Variants in ULK2 observed in about 807,000 individuals in gnomAD.
The protein encoded by ULK2 is serine/threonine-protein kinase ULK2.
Under a neutral mutation model 127.5 loss-of-function variants are expected in ULK2, and 76 were observed. The observed-to-expected ratio is 0.60, with a 90% CI of 0.50 to 0.72. The LOEUF (loss-of-function observed/expected upper bound fraction) is 0.72. ULK2 is among the 30% of genes least tolerant of loss of function. The probability of loss-of-function intolerance (pLI) is 0.00; values close to 1 mark genes in which losing one functional copy is unlikely to be tolerated. For synonymous variants in ULK2, 452 were observed against 461.9 expected, an observed-to-expected ratio of 0.98 and a Z score of 0.28; for missense variants, 1,144 against 1,295.9, an observed-to-expected ratio of 0.88 and a Z score of 1.80.
Position 19,797,407 on chromosome 17 carries a change from A to G in ULK2, c.1798T>C (p.Ser600Pro). ...TTTAATAAACAAACCTTAGTAGGAG[A>G]GCCAATGATTGTTGGCAAAGGAGTT... The part of the protein sequence containing the change: ...FKTPLPTIIG[S>P]PTKTTAPFKI... Residue 600 changes from serine to proline, a missense_variant, in exon 18 of 27, where the codon TCT becomes CCT. Ser to Pro is a moderately conservative substitution (Grantham distance 74). Around this residue, in one of 2 missense-constraint regions of ULK2, gnomAD observed 913 missense variants for 970.5 expected, o/e 0.94. Coordinates refer to ENST00000395544, the MANE Select transcript of ULK2 (RefSeq NM_014683.4). 1 of 1,612,970 alleles carries G rather than the reference A, an allele frequency of 6.2e-7. No homozygotes were observed. Among genetic ancestry groups the G allele is most frequent in the Non-Finnish European group, 8.5e-7 (1 of 1,179,486 alleles).
intron 21 of ULK2, 136 bp from the exon 22 acceptor site, chr17:19,784,041 T>A: frequency 1.6e-6 from 1 of 609,272 alleles, no homozygotes; most frequent in Non-Finnish European, 2.4e-6. Flanking sequence ...ACCCCCTATG[T>A]ACTATTTGAG....
chr17:19,804,899 T>C, intron 14 of ULK2, 69 bp from the exon 15 acceptor site: 2 of 1,514,386 alleles, frequency 1.3e-6, no homozygotes, highest in Non-Finnish European at 8.9e-7. Flanking sequence ...TTTGACCCAT[T>C]AGTTATATTT....
chr17:19,847,883 T>C (rs2041921042), intron 5 of ULK2, among the ~76,000 whole-genome samples: 1 of 152,124 alleles, frequency 6.6e-6, no homozygotes, highest in Non-Finnish European at 1.5e-5. Context: ...TGCCAGAGCA[T>C]GTTGTGGTTA....
intron 5 of ULK2, among the ~76,000 whole-genome samples, chr17:19,847,178 T>C (rs1334725598): frequency 6.6e-6 from 1 of 152,236 alleles, no homozygotes; most frequent in African/African-American, 2.4e-5. Context: ...TTCATGTTTT[T>C]ACTGCTGAAG....
chr17:19,785,818 T>TAAAAAAAAAAAAAAAAAACAAAAAAA, intron 21 of ULK2, 119 bp downstream of exon 21: 1 of 1,240,114 alleles, frequency 8.1e-7, no homozygotes, highest in East Asian at 2.8e-5. Flanking sequence ...ATTTCACTGG[T>TAAAAAAAAAAAAAAAAAACAAAAAAA]AAAGAAACTG....
At chr17:19,848,847 T>G (rs1433756794) in intron 5 of ULK2, among the ~76,000 whole-genome samples, 1 of 152,022 alleles carries the variant, frequency 6.6e-6, no homozygotes, top group Non-Finnish European at 1.5e-5. Context: ...ATATCCTACA[T>G]GTATGCATTT....
chr17:19,777,690 C>T lies in ULK2; in HGVS notation c.2943G>A (p.Met981Ile). 1 of 1,613,590 alleles carries T rather than the reference C, an allele frequency of 6.2e-7. No individual in the cohort carries two copies. Among genetic ancestry groups the T allele is most frequent in the Non-Finnish European group, 8.5e-7 (1 of 1,179,882 alleles). ...AAACAATATCTTCGGTCTGCTGAAA[C>T]ATCTCATCCAGGGCTGCAGACTGAA... ...EMVQSAALDE[M>I]FQQTEDIVYR... The change falls in exon 26 of 27, where the codon ATG (methionine) becomes ATA (isoleucine). Residue 981 changes from methionine to isoleucine, a missense_variant. Around this residue, in one of 2 missense-constraint regions of ULK2, gnomAD observed 913 missense variants for 970.5 expected, o/e 0.94. Transcript: ENST00000395544.
chr17:19,835,042 T>C (rs771483485), intron 10 of ULK2, among the ~76,000 whole-genome samples: 6 of 152,010 alleles, frequency 3.9e-5, no homozygotes, highest in African/African-American at 1.2e-4. Context: ...GATTACAACA[T>C]AGACATAATA....
intron 20 of ULK2, among the ~76,000 whole-genome samples, chr17:19,794,490 G>A (rs546151934): frequency 8.5e-5 from 13 of 152,088 alleles, no homozygotes; most frequent in East Asian, 7.7e-4. Flanking sequence ...TTCAAACTTC[G>A]GAGAATCAAA....
At chr17:19,811,944 G>A (rs557992851) in intron 13 of ULK2, among the ~76,000 whole-genome samples, 2 of 152,174 alleles carry the variant, frequency 1.3e-5, no homozygotes, top group South Asian at 2.1e-4. Context: ...TAGAGGCAAC[G>A]GGACAGAAAA....
At chr17:19,799,622 CA>C in intron 16 of ULK2, 47 bp from the exon 17 acceptor site, 1 of 1,420,998 alleles carries the variant, frequency 7.0e-7, no homozygotes, top group Admixed American at 3.1e-5. Flanking sequence ...GAAAAATGAT[CA>C]AAAACCAATA....
chr17:19,812,082 A>G (rs1279275983), intron 13 of ULK2, among the ~76,000 whole-genome samples: 2 of 152,222 alleles, frequency 1.3e-5, no homozygotes, highest in African/African-American at 4.8e-5. Context: ...AACCTTAGCC[A>G]GCTGGAAAGC....
At chr17:19,833,400 C>T (rs1015479193) in intron 10 of ULK2, among the ~76,000 whole-genome samples, 8 of 150,298 alleles carry the variant, frequency 5.3e-5, no homozygotes, top group South Asian at 2.1e-4. Flanking sequence ...CTCGCTCTGT[C>T]GCCCATTTTT....
At chr17:19,796,526 G>A (rs1178472366) in intron 18 of ULK2, among the ~76,000 whole-genome samples, 2 of 152,172 alleles carry the variant, frequency 1.3e-5, no homozygotes, top group Non-Finnish European at 2.9e-5. Context: ...TAGATAACAA[G>A]GGGATGTAAA....
chr17:19,810,501 G>T, intron 13 of ULK2, 63 bp from the exon 14 acceptor site: 1 of 1,051,806 alleles, frequency 9.5e-7, no homozygotes, highest in Non-Finnish European at 1.4e-6. Flanking sequence ...ACACAAATTT[G>T]TTCCAAAATG....
chr17:19,776,384 G>C lies in ULK2; in HGVS notation c.3076C>G (p.Leu1026Val). ...GCGGTGCTATGGCAGAGCGCCGACA[G>C]TCTTCTCTCAATACTACATTTATCT... ...HKYKCSIERR[L>V]SALCHSTATV The change falls in exon 27 of 27, where the codon CTG becomes GTG. Residue 1026 changes from leucine to valine, a missense_variant. Around this residue, in one of 2 missense-constraint regions of ULK2, gnomAD observed 913 missense variants for 970.5 expected, o/e 0.94. Transcript: ENST00000395544. 1 of 1,604,410 alleles carries C rather than the reference G, an allele frequency of 6.2e-7. No homozygotes were observed. The highest frequency in any genetic ancestry group is 1.1e-5 in the South Asian group (1 of 88,978).
intron 3 of ULK2, among the ~76,000 whole-genome samples, chr17:19,852,044 C>CAAAAAAAAAA (rs201031615): frequency 8.1e-5 from 4 of 49,158 alleles, no homozygotes; most frequent in Non-Finnish European, 1.3e-4. Flanking sequence ...GACTCCATCT[C>CAAAAAAAAAA]AAAAAAAAAA....
chr17:19,775,931 G>A lies in ULK2; in HGVS notation c.*418C>T, dbSNP rs2086804328. The A allele has an allele frequency of 6.3e-6, 1 of 159,150 alleles. No homozygotes were observed. Among genetic ancestry groups the A allele is most frequent in the Non-Finnish European group, 1.4e-5 (1 of 72,952 alleles). 9.9% of individuals were successfully genotyped at this position (159,150 alleles called of 1,614,324 possible). A position where few individuals can be genotyped will look rare whatever the true frequency, so the allele number is the denominator to read the frequency against. ...ACTCCAAATATCAAACTGCCTGGATGAGGGGTGAATACATTTACCTTTACA... is the reference window on the plus strand; with the variant it reads ...ACTCCAAATATCAAACTGCCTGGATAAGGGGTGAATACATTTACCTTTACA... On this transcript the variant is annotated 3_prime_UTR_variant, in exon 27 of 27. Coordinates refer to ENST00000395544, the MANE Select transcript of ULK2 (RefSeq NM_014683.4).
chr17:19,786,590 T>C (rs561876118), intron 20 of ULK2, among the ~76,000 whole-genome samples: 125 of 151,970 alleles, frequency 8.2e-4, no homozygotes, highest in Non-Finnish European at 1.5e-3. Flanking sequence ...GATGCGTGCC[T>C]GTAATCCCAG....
Sources: gnomAD v4.1 joint callset for allele counts (sites outside exome capture counted in the v4.1 genomes callset) on GRCh38, gnomAD v4.1.1 for gene constraint, gnomAD v4.1.1 regional missense constraint, MANE v1.5 for transcripts, NCBI Gene and HGNC (gene_info 2026-07-23, HGNC 2026-07-21) for gene names.